REDIC1: variants seen among roughly 807,000 people sequenced by gnomAD.
REDIC1 encodes HEI10 Interacting Protein 1.
At chr12:39,702,078 A>G in the REDIC1 span, among the ~76,000 whole-genome samples, 2 of 152,206 alleles carry the variant, frequency 1.3e-5, no homozygotes, top group African/African-American at 4.8e-5. Context: ...AAGGCAAGAA[A>G]TAACTAAAAT....
At chr12:39,657,690 TG>T in the REDIC1 span, among the ~76,000 whole-genome samples, 1 of 152,182 alleles carries the variant, frequency 6.6e-6, no homozygotes, top group South Asian at 2.1e-4. Flanking sequence ...TTTCTCTTAT[TG>T]TTTGAAATCT....
chr12:39,715,260 C>T, the REDIC1 span, among the ~76,000 whole-genome samples: 6 of 151,940 alleles, frequency 3.9e-5, no homozygotes, highest in Admixed American at 1.3e-4. Flanking sequence ...AGATGAGGAT[C>T]GTTTCATTCT....
At chr12:39,850,374 C>T in the REDIC1 span, among the ~76,000 whole-genome samples, 2 of 152,108 alleles carry the variant, frequency 1.3e-5, no homozygotes, top group Non-Finnish European at 2.9e-5. Context: ...CTTGTAATTG[C>T]TCTGCAGTTG....
chr12:39,711,310 A>G, the REDIC1 span, among the ~76,000 whole-genome samples: 1 of 148,584 alleles, frequency 6.7e-6, no homozygotes, highest in Non-Finnish European at 1.5e-5. Flanking sequence ...ATATATGTGT[A>G]TATATCCATA....
At chr12:39,662,450 G>T in the REDIC1 span, among the ~76,000 whole-genome samples, 3 of 151,894 alleles carry the variant, frequency 2.0e-5, no homozygotes, top group African/African-American at 7.2e-5. Context: ...CATTATTGAT[G>T]TATACATATT....
chr12:39,834,346 T>A, the REDIC1 span, among the ~76,000 whole-genome samples: 1 of 152,200 alleles, frequency 6.6e-6, no homozygotes, highest in South Asian at 2.1e-4. Flanking sequence ...TACATCCATA[T>A]CTGTCCTCAC....
chr12:39,689,675 A>G, the REDIC1 span, among the ~76,000 whole-genome samples: 1 of 152,188 alleles, frequency 6.6e-6, no homozygotes, highest in Non-Finnish European at 1.5e-5. Context: ...AAGGGGGCTG[A>G]GAATGAGCTA....
the REDIC1 span, among the ~76,000 whole-genome samples, chr12:39,708,097 C>T: frequency 6.6e-6 from 1 of 151,518 alleles, no homozygotes; most frequent in Non-Finnish European, 1.5e-5. Context: ...CTAGTATTTG[C>T]TAGCACAACA....
chr12:39,758,183 T>C, the REDIC1 span: 1 of 151,516 alleles, frequency 6.6e-6, no homozygotes. Context: ...AAAATATTAA[T>C]TTTTTTTATT....
the REDIC1 span, among the ~76,000 whole-genome samples, chr12:39,790,480 T>G: frequency 6.6e-6 from 1 of 151,058 alleles, no homozygotes; most frequent in Non-Finnish European, 1.5e-5. Flanking sequence ...TTTGGTTTTT[T>G]GTTCTTGTGA....
the REDIC1 span, among the ~76,000 whole-genome samples, chr12:39,690,763 G>A: frequency 6.6e-6 from 1 of 151,964 alleles, no homozygotes; most frequent in Non-Finnish European, 1.5e-5. Context: ...AAGCCCATTC[G>A]GAAAAGAGAA....
chr12:39,646,715 A>G, the REDIC1 span: 1 of 629,758 alleles, frequency 1.6e-6, no homozygotes. Flanking sequence ...TAATATTATG[A>G]CCCTGTAGTG....
chr12:39,711,503 ATATATGTGTATATATGTG>A, the REDIC1 span, among the ~76,000 whole-genome samples: 14 of 139,342 alleles, frequency 1.0e-4, no homozygotes, highest in African/African-American at 3.6e-4. Context: ...ATAAGTATGT[ATATATGTGTATATATGTG>A]TATATGTGTA....
the REDIC1 span, among the ~76,000 whole-genome samples, chr12:39,849,899 C>T: frequency 6.6e-6 from 1 of 151,888 alleles, no homozygotes; most frequent in African/African-American, 2.4e-5. Context: ...TTTTAAAATA[C>T]TCTTTCAGGG....
the REDIC1 span, among the ~76,000 whole-genome samples, chr12:39,817,615 T>TC: frequency 6.6e-6 from 1 of 152,164 alleles, no homozygotes; most frequent in African/African-American, 2.4e-5. Context: ...TCATCTATAT[T>TC]CACGAAAAAG....
the REDIC1 span, among the ~76,000 whole-genome samples, chr12:39,836,650 AC>A: frequency 7.0e-6 from 1 of 142,070 alleles, no homozygotes; most frequent in African/African-American, 2.7e-5. Context: ...GTCTCAGGAT[AC>A]AAAATCAATG....
At chr12:39,713,541 C>T in the REDIC1 span, among the ~76,000 whole-genome samples, 7 of 148,428 alleles carry the variant, frequency 4.7e-5, no homozygotes, top group Admixed American at 2.0e-4. Flanking sequence ...CACGTACATA[C>T]GTATACATGC....
the REDIC1 span, among the ~76,000 whole-genome samples, chr12:39,701,736 G>T: frequency 2.0e-5 from 3 of 151,932 alleles, no homozygotes; most frequent in African/African-American, 7.3e-5. Flanking sequence ...TATAACAAAT[G>T]GTCTCTCAGA....
At chr12:39,654,578 A>G in the REDIC1 span, among the ~76,000 whole-genome samples, 2 of 147,186 alleles carry the variant, frequency 1.4e-5, no homozygotes, top group Non-Finnish European at 3.0e-5. Flanking sequence ...ACAAAGTGAG[A>G]CTCTGTCTTA....
Sources: allele counts gnomAD v4.1 joint callset (sites outside exome capture counted in the v4.1 genomes callset), GRCh38; gene constraint gnomAD v4.1.1; transcripts MANE v1.5; gene names NCBI Gene and HGNC (gene_info 2026-07-23, HGNC 2026-07-21).